Variants in BEND3 observed in about 807,000 individuals in gnomAD.
BEND3 encodes the protein BEN domain containing 3, also known as BEN domain-containing protein 3.
In BEND3, 13 loss-of-function variants were observed where a neutral mutation model predicts 60.1. That is an observed-to-expected ratio of 0.22 (90% CI 0.14 to 0.34). BEND3 has a LOEUF of 0.34. Ranked by LOEUF, BEND3 falls within the 10% of genes least tolerant of loss-of-function variation. The pLI is 1.00. For synonymous variants in BEND3, 497 were observed against 491.5 expected (o/e 1.01, Z -0.15); for missense variants, 896 against 1,138.1 (o/e 0.79, Z 3.06).
In BEND3 at chr6:107,069,900, G is replaced by C. The variant is rs781921986; in HGVS notation, c.1291C>G (p.Gln431Glu). 1 of 1,613,822 alleles carries C rather than the reference G, an allele frequency of 6.2e-7. No homozygotes were observed. Among genetic ancestry groups the C allele is most frequent in the Non-Finnish European group, 8.5e-7 (1 of 1,180,036 alleles). The change falls in exon 4 of 4, where the codon CAG becomes GAG. Residue 431 changes from glutamine to glutamate, a missense_variant. Physicochemically the swap from Gln to Glu is conservative, Grantham distance 29 (BLOSUM62 2). This residue lies in a region of BEND3 where 846 missense variants were observed against 1,036.7 expected (regional missense o/e 0.82). Coordinates refer to ENST00000369042, the MANE Select transcript of BEND3 (RefSeq NM_001367314.1). The stretch of plus-strand genomic sequence containing the variant: ...CCACCGTCCCCGTAGCAGCTGTACT[G>C]TTCACCCAGCTTGCGGTGGTCGAAG... ...ELFDHRKLGE[Q>E]YSCYGDGGKQ...
intron 1 of BEND3, among the ~76,000 whole-genome samples, chr6:107,110,993 G>A (rs1349055405): frequency 2.6e-5 from 4 of 151,602 alleles, no homozygotes; most frequent in African/African-American, 9.7e-5. Flanking sequence ...GTGAAACCCC[G>A]TATCTACTAA....
chr6:107,113,437 C>CAAA (rs1158122732), intron 1 of BEND3, among the ~76,000 whole-genome samples: 13 of 13,038 alleles, frequency 1.0e-3, no homozygotes, highest in South Asian at 3.1e-3. Context: ...GACTCCGTCT[C>CAAA]AAAAAAAAAA....
At position 107,068,335 on chromosome 6, in the gene BEND3, A is replaced by C; in HGVS notation, c.*369T>G. On this transcript the variant is annotated 3_prime_UTR_variant, in exon 4 of 4. Transcript: ENST00000369042. The surrounding 1 kb of genome is among the most constrained non-coding windows in gnomAD (Gnocchi z 5.8). ...AAAAATGGGTCAAAATGGAAGATGT[A>C]AAATATGGGAAGAGGGGCAAGAGAG... 5.6e-6 allele frequency: 1 copy of C among 178,566 alleles called. No homozygotes were observed. The highest frequency in any genetic ancestry group is 1.2e-5 in the Non-Finnish European group (1 of 86,478). The allele number at this position is 178,566 out of a possible 1,614,324, so 11.1% of individuals were successfully genotyped here.
chr6:107,071,289 AG>A (rs1322129531), intron 3 of BEND3, among the ~76,000 whole-genome samples: 2 of 152,238 alleles, frequency 1.3e-5, no homozygotes, highest in Admixed American at 6.5e-5. Context: ...TGCAAGAAAC[AG>A]GAGGAAGAGC....
At chr6:107,072,007 CTTT>C (rs1774993894) in intron 3 of BEND3, among the ~76,000 whole-genome samples, 2 of 152,188 alleles carry the variant, frequency 1.3e-5, no homozygotes, top group Non-Finnish European at 2.9e-5. Context: ...ATGTATCCTT[CTTT>C]GAGTTTCAGC....
chr6:107,100,329 G>A (rs34511290), intron 1 of BEND3, among the ~76,000 whole-genome samples: 20,573 of 152,124 alleles, frequency 0.14, 1,793 homozygotes, highest in Non-Finnish European at 0.2. Context: ...TGCAACCTCC[G>A]CCTCCTGGGT....
At chr6:107,099,856 A>C (rs899025294) in intron 1 of BEND3, among the ~76,000 whole-genome samples, 2 of 139,250 alleles carry the variant, frequency 1.4e-5, no homozygotes, top group African/African-American at 5.6e-5. Context: ...CAGAAATGCA[A>C]AATATCTCAC....
Position 107,115,436 on chromosome 6 carries a change from C to T in BEND3, c.-358G>A, listed in dbSNP as rs1554239247. ...ACGCGGGACCGGCGGCGGCGGCGCT[C>T]GGGCGTGAACGGCCGCGGCGGGGAG... On this transcript the variant is annotated 5_prime_UTR_variant, in exon 1 of 4. Coordinates refer to ENST00000369042, the MANE Select transcript of BEND3 (RefSeq NM_001367314.1). Among the ~76,000 whole-genome samples the T allele has an allele frequency of 2.0e-5, 3 of 148,054 alleles. No homozygotes were observed. The highest frequency in any genetic ancestry group is 6.7e-5 in the Admixed American group (1 of 14,908).
intron 1 of BEND3, chr6:107,113,745 T>C (rs1310309180): frequency 1.3e-5 from 2 of 151,682 alleles, no homozygotes; most frequent in Non-Finnish European, 2.9e-5. Flanking sequence ...AAAGCCAATA[T>C]CTAGGGATGA....
chr6:107,081,137 G>C (rs1775222678), intron 3 of BEND3, among the ~76,000 whole-genome samples: 3 of 151,690 alleles, frequency 2.0e-5, no homozygotes, highest in Admixed American at 2.0e-4. Context: ...CAAACTCTTA[G>C]GCTCAAGTGA....
chr6:107,098,481 G>A lies in BEND3; in HGVS notation c.240+70C>T, dbSNP rs1413223014. On this transcript the variant is annotated intron_variant, in intron 3 of 3. Coordinates refer to ENST00000369042, the MANE Select transcript of BEND3 (RefSeq NM_001367314.1). ...GCAGTTGCCAGGATGCCCAAAACAA[G>A]AGGGAGATTCAGCATGGAATCAGAG... 12 of 1,525,170 alleles carry A rather than the reference G, an allele frequency of 7.9e-6. No individual in the cohort carries two copies. In the African/African-American group the frequency reaches 1.5e-4, roughly 19 times the overall value. The allele number at this position is 1,525,170 out of a possible 1,614,324, so 94.5% of individuals were successfully genotyped here.
intron 3 of BEND3, among the ~76,000 whole-genome samples, chr6:107,088,512 C>G (rs1554234668): frequency 6.6e-6 from 1 of 151,628 alleles, no homozygotes; most frequent in East Asian, 1.9e-4. Flanking sequence ...ACACGAGAAA[C>G]AAAACAAAAC....
At chr6:107,075,043 G>A (rs1299134377) in intron 3 of BEND3, among the ~76,000 whole-genome samples, 1 of 151,920 alleles carries the variant, frequency 6.6e-6, no homozygotes, top group African/African-American at 2.4e-5. Flanking sequence ...GGAGGTGGCA[G>A]TGAGTGCCAC....
chr6:107,082,460 A>G (rs782016245), intron 3 of BEND3, among the ~76,000 whole-genome samples: 4 of 152,176 alleles, frequency 2.6e-5, no homozygotes, highest in Non-Finnish European at 5.9e-5. Context: ...AAGTCTCAGT[A>G]GTCTCGCTCT....
intron 3 of BEND3, among the ~76,000 whole-genome samples, chr6:107,081,992 G>C (rs1244203695): frequency 3.3e-5 from 5 of 152,180 alleles, no homozygotes; most frequent in African/African-American, 1.2e-4. Context: ...CTTGTTGGGA[G>C]AGCTTGCTGC....
chr6:107,086,792 C>T (rs34065745), intron 3 of BEND3, among the ~76,000 whole-genome samples: 6,114 of 151,720 alleles, frequency 0.04, 188 homozygotes, highest in South Asian at 0.13. Flanking sequence ...TTTGGGAGGC[C>T]GAGGTGGGCG....
chr6:107,072,136 C>T (rs1439430940), intron 3 of BEND3, among the ~76,000 whole-genome samples: 3 of 152,126 alleles, frequency 2.0e-5, no homozygotes, highest in Admixed American at 6.5e-5. Context: ...TGGTGGGTGT[C>T]GGGGGAGCAG....
At chr6:107,079,008 C>G (rs1351350564) in intron 3 of BEND3, among the ~76,000 whole-genome samples, 3 of 152,220 alleles carry the variant, frequency 2.0e-5, no homozygotes, top group African/African-American at 7.2e-5. Flanking sequence ...CTATAGAAAT[C>G]CCCGAGACCC....
intron 3 of BEND3, among the ~76,000 whole-genome samples, chr6:107,078,077 C>T (rs139550069): frequency 2.0e-4 from 30 of 152,334 alleles, no homozygotes; most frequent in African/African-American, 6.0e-4. Flanking sequence ...TATTTGGCTA[C>T]GAAGTCCTCT....
Sources: gnomAD v4.1 joint callset for allele counts (sites outside exome capture counted in the v4.1 genomes callset) on GRCh38, gnomAD v4.1.1 for gene constraint, gnomAD v4.1.1 regional missense constraint, Gnocchi (gnomAD v3.1) non-coding constraint, MANE v1.5 for transcripts, NCBI Gene and HGNC (gene_info 2026-07-23, HGNC 2026-07-21) for gene names.